CNIH3: variants seen among roughly 807,000 people sequenced by gnomAD.
CNIH3 encodes the protein cornichon family AMPA receptor auxiliary protein 3, also known as protein cornichon homolog 3.
In CNIH3, 14 loss-of-function variants were observed where a neutral mutation model predicts 24.1. The observed-to-expected ratio is 0.58, with a 90% confidence interval of 0.38 to 0.91. CNIH3 has a LOEUF of 0.91. Ranked by LOEUF, CNIH3 falls within the 40% of genes least tolerant of loss-of-function variation. The pLI, the probability that CNIH3 is intolerant of heterozygous loss-of-function variation, is 0.00. For missense variants in CNIH3, 178 were observed against 196.8 expected, an observed-to-expected ratio of 0.90 and a Z score of 0.57; for synonymous variants, 68 against 73.8, an observed-to-expected ratio of 0.92 and a Z score of 0.40.
chr1:224,619,780 C>T (rs1683193472), intron 1 of CNIH3, among the ~76,000 whole-genome samples: 1 of 152,142 alleles, frequency 6.6e-6, no homozygotes, highest in Non-Finnish European at 1.5e-5. Flanking sequence ...ATATCAGTAC[C>T]CCAAAAAATG....
chr1:224,612,985 T>C (rs1410736306), upstream of CNIH3, among the ~76,000 whole-genome samples: 1 of 152,226 alleles, frequency 6.6e-6, no homozygotes, highest in Non-Finnish European at 1.5e-5. The surrounding 1 kb of genome is among the most constrained non-coding windows in gnomAD (Gnocchi z 4.7). Context: ...ATCTTTTTCA[T>C]TTTTATATTT....
intron 4 of CNIH3, among the ~76,000 whole-genome samples, chr1:224,576,210 A>G (rs1044057648): frequency 1.3e-5 from 2 of 152,262 alleles, no homozygotes; most frequent in Non-Finnish European, 1.5e-5. Flanking sequence ...AAGTTCAAGT[A>G]TATTTTAAAG....
rs117955560 is a variant in CNIH3 at position 224,525,608 on chromosome 1, G to C, written n.343+4281G>C. Among the ~76,000 whole-genome samples the C allele has an allele frequency of 2.1e-3, 327 of 152,338 alleles. 4 individuals are homozygous for C. Among genetic ancestry groups the C allele is most frequent in the East Asian group, 0.017 (88 of 5,192 alleles). Reference sequence around the variant, plus strand: ...AGCAGTGTGTTCTACCCAGGAAATGGGGGGTGGAGGCAGTAGCTTTGTGGG... The same window carrying C: ...AGCAGTGTGTTCTACCCAGGAAATGCGGGGTGGAGGCAGTAGCTTTGTGGG... On this transcript the variant is annotated intron_variant and non_coding_transcript_variant, in intron 2 of 2. Coordinates refer to the CNIH3 transcript ENST00000470602.
chr1:224,550,692 G>A (rs999797039), intron 3 of CNIH3, among the ~76,000 whole-genome samples: 5 of 152,142 alleles, frequency 3.3e-5, no homozygotes, highest in Admixed American at 1.3e-4. Context: ...ATATCAGAGC[G>A]ATGATATTTC....
intron 3 of CNIH3, among the ~76,000 whole-genome samples, chr1:224,688,798 G>A (rs983095918): frequency 2.0e-5 from 3 of 151,808 alleles, no homozygotes; most frequent in South Asian, 2.1e-4. Context: ...GGTGGTGGGC[G>A]CCTGTAATCC....
In CNIH3 at chr1:224,505,356, C is replaced by T. The variant is rs570593065; in HGVS notation, n.204-10385C>T. On this transcript the variant is annotated intron_variant and non_coding_transcript_variant, in intron 1 of 5. Coordinates refer to the CNIH3 transcript ENST00000471578. Reference sequence around the variant, plus strand: ...GCCATATCATGAATTGTGGTATACACGTAGTGGGTACTCAGGTACCTTGAA... The same window carrying T: ...GCCATATCATGAATTGTGGTATACATGTAGTGGGTACTCAGGTACCTTGAA... 4.0e-5 allele frequency among the ~76,000 whole-genome samples: 6 copies of T among 151,334 alleles called. No homozygotes were observed. The South Asian group carries it at 1.0e-3, about 26-fold the overall frequency.
chr1:224,537,198 G>A (rs1024622739), downstream of CNIH3: 1 of 152,086 alleles, frequency 6.6e-6, no homozygotes, highest in African/African-American at 2.4e-5. Context: ...ACCCTGAAAC[G>A]GTTCTGTTGA....
intron 2 of CNIH3, among the ~76,000 whole-genome samples, chr1:224,536,074 T>C (rs1298942797): frequency 6.6e-6 from 1 of 152,056 alleles, no homozygotes; most frequent in East Asian, 1.9e-4. Flanking sequence ...GTGGACAAAA[T>C]TGGGGTCCCC....
chr1:224,616,244 G>A (rs936863491), upstream of CNIH3: 2 of 162,184 alleles, frequency 1.2e-5, no homozygotes, highest in African/African-American at 2.4e-5. Context: ...CGGGGAGGGC[G>A]CGCTCAGCGG....
intron 2 of CNIH3, among the ~76,000 whole-genome samples, chr1:224,545,909 A>G (rs2124956925): frequency 6.6e-6 from 1 of 152,238 alleles, no homozygotes; most frequent in East Asian, 1.9e-4. Flanking sequence ...GGGAAGTCCA[A>G]CATCAAGGTG....
intron 3 of CNIH3, among the ~76,000 whole-genome samples, chr1:224,688,362 C>T (rs942556762): frequency 2.0e-5 from 3 of 152,146 alleles, no homozygotes; most frequent in African/African-American, 7.2e-5. Context: ...GCATTTAGGT[C>T]CTGGGCATGC....
chr1:224,738,017 G>A (rs747599379), intron 5 of CNIH3, among the ~76,000 whole-genome samples: 3 of 152,196 alleles, frequency 2.0e-5, no homozygotes, highest in Non-Finnish European at 4.4e-5. Flanking sequence ...GATCATGCCT[G>A]TTCCTCCTCA....
chr1:224,658,954 A>G (rs896884407), intron 1 of CNIH3, among the ~76,000 whole-genome samples: 1 of 152,226 alleles, frequency 6.6e-6, no homozygotes, highest in Non-Finnish European at 1.5e-5. Flanking sequence ...AGAGCAGATC[A>G]ATGCTTCAAG....
chr1:224,698,798 T>C (rs1687316606), intron 3 of CNIH3, among the ~76,000 whole-genome samples: 1 of 152,242 alleles, frequency 6.6e-6, no homozygotes, highest in African/African-American at 2.4e-5. Flanking sequence ...CTGGTTCACT[T>C]GCGGAACTCT....
At position 224,695,396 on chromosome 1, in the gene CNIH3, CCCT is replaced by C. The variant is rs767745631; in HGVS notation, c.198+10554_198+10556del. The stretch of plus-strand genomic sequence containing the variant: ...CACACACACACACACACACACACAC[CCCT>C]GTTGGTTCTGTTTTACTGGAGAGCC... On this transcript the variant is annotated intron_variant, in intron 3 of 5. Coordinates refer to ENST00000272133, the MANE Select transcript of CNIH3 (RefSeq NM_152495.2). Among the ~76,000 whole-genome samples, 728 of 139,354 alleles carry C rather than the reference CCCT, an allele frequency of 5.2e-3. 8 individuals are homozygous for C. Among genetic ancestry groups the C allele is most frequent in the South Asian group, 0.032 (136 of 4,222 alleles). 91.4% of individuals were successfully genotyped at this position (139,354 alleles called of 152,430 possible). A position where few individuals can be genotyped will look rare whatever the true frequency, so the allele number is the denominator to read the frequency against.
At chr1:224,625,429 G>A (rs913481802) in intron 1 of CNIH3, among the ~76,000 whole-genome samples, 40 of 152,284 alleles carry the variant, frequency 2.6e-4, no homozygotes, top group African/African-American at 7.7e-4. Flanking sequence ...GGTGGTGGGC[G>A]CCTATAGTCC....
chr1:224,504,341 A>G (rs1677808691), intron 1 of CNIH3, among the ~76,000 whole-genome samples: 1 of 152,226 alleles, frequency 6.6e-6, no homozygotes, highest in South Asian at 2.1e-4. Context: ...AGTTTTGTGC[A>G]AGCATTTTGT....
chr1:224,683,040 G>A (rs370128650), intron 2 of CNIH3, among the ~76,000 whole-genome samples: 15 of 152,356 alleles, frequency 9.8e-5, no homozygotes, highest in African/African-American at 3.6e-4. Flanking sequence ...ATCAGGACTA[G>A]TATATGCTCT....
At chr1:224,574,516 T>C in intron 4 of CNIH3, 1 of 691,488 alleles carries the variant, frequency 1.4e-6, no homozygotes, top group African/African-American at 1.7e-5. Flanking sequence ...CCAGGCCAGG[T>C]AACTGAGGCT....
Sources: gnomAD v4.1 joint callset for allele counts (sites outside exome capture counted in the v4.1 genomes callset) on GRCh38, gnomAD v4.1.1 for gene constraint, Gnocchi (gnomAD v3.1) non-coding constraint, MANE v1.5 for transcripts, NCBI Gene and HGNC (gene_info 2026-07-23, HGNC 2026-07-21) for gene names.